THSD7B: variants seen among roughly 807,000 people sequenced by gnomAD.
THSD7B encodes thrombospondin type 1 domain containing 7B.
THSD7B carries 138 observed loss-of-function variants against 213.6 expected under a neutral mutation model. The ratio of observed to expected loss-of-function variants is 0.65; its 90% CI spans 0.56 to 0.74. The LOEUF is 0.74. Among genes scored for constraint, THSD7B ranks in the 30% least tolerant of loss-of-function variants. The probability of loss-of-function intolerance (pLI) is 0.00; values close to 1 mark genes in which losing one functional copy is unlikely to be tolerated. For synonymous variants in THSD7B, 742 were observed against 687.0 expected, an observed-to-expected ratio of 1.08 and a Z score of -1.25; for missense variants, 1,931 against 1,991.5, an observed-to-expected ratio of 0.97 and a Z score of 0.58.
intron 15 of THSD7B, among the ~76,000 whole-genome samples, chr2:137,539,609 A>G (rs1680569974): frequency 6.6e-6 from 1 of 151,780 alleles, no homozygotes; most frequent in East Asian, 1.9e-4. Context: ...GGATGAATTT[A>G]CTAAAATTAA....
chr2:137,583,239 C>T (rs1013904424), intron 17 of THSD7B, among the ~76,000 whole-genome samples: 8 of 151,996 alleles, frequency 5.3e-5, no homozygotes, highest in African/African-American at 1.9e-4. Flanking sequence ...TGAATATTAG[C>T]CCTTTGTGAG....
intron 12 of THSD7B, among the ~76,000 whole-genome samples, chr2:137,396,860 C>T (rs189266994): frequency 2.3e-3 from 353 of 151,722 alleles, no homozygotes; most frequent in African/African-American, 7.5e-3. Flanking sequence ...GTATTGGATG[C>T]ATATATATTT....
At chr2:137,323,300 T>C (rs1339797959) in intron 12 of THSD7B, among the ~76,000 whole-genome samples, 1 of 152,194 alleles carries the variant, frequency 6.6e-6, no homozygotes, top group African/African-American at 2.4e-5. Context: ...ATGCCATCCA[T>C]GAGCAAGGAG....
At chr2:137,024,543 A>C (rs946141535) in intron 2 of THSD7B, among the ~76,000 whole-genome samples, 1 of 152,186 alleles carries the variant, frequency 6.6e-6, no homozygotes, top group African/African-American at 2.4e-5. Flanking sequence ...GGAGAAACAG[A>C]GTGTGATATA....
At chr2:137,302,642 A>G (rs1014053577) in intron 12 of THSD7B, among the ~76,000 whole-genome samples, 6 of 152,108 alleles carry the variant, frequency 3.9e-5, no homozygotes, top group Non-Finnish European at 8.8e-5. Context: ...GGGGAAGTGC[A>G]GTTAAAGGAG....
At chr2:136,807,432 C>T (rs891043197) in intron 1 of THSD7B, among the ~76,000 whole-genome samples, 2 of 150,988 alleles carry the variant, frequency 1.3e-5, no homozygotes, top group African/African-American at 4.9e-5. Context: ...TTTGAGTTGG[C>T]TTCTGCATTC....
intron 2 of THSD7B, among the ~76,000 whole-genome samples, chr2:136,939,529 G>A (rs1037719739): frequency 1.3e-5 from 2 of 152,048 alleles, no homozygotes; most frequent in Admixed American, 1.3e-4. Flanking sequence ...CTGTCAGGTT[G>A]GATCTCTCCT....
At chr2:137,400,673 T>C (rs897552551) in intron 12 of THSD7B, among the ~76,000 whole-genome samples, 2 of 152,186 alleles carry the variant, frequency 1.3e-5, no homozygotes, top group African/African-American at 4.8e-5. Flanking sequence ...GGAATTGTTG[T>C]AAAGGGCTGT....
rs979894476 is a variant in THSD7B, at chr2:137,154,350, T to C, written c.1370-5863T>C. 4.6e-5 allele frequency among the ~76,000 whole-genome samples: 7 copies of C among 152,256 alleles called. No homozygotes were observed. In the East Asian group the frequency reaches 1.2e-3, roughly 25 times the overall value. The stretch of plus-strand genomic sequence containing the variant: ...CTTGCCAGCATTACCTCAAACACTT[T>C]CTGAATTTTGAAAAAGACTGACTTG... On this transcript the variant is annotated intron_variant, in intron 5 of 27. Transcript: ENST00000409968.
At chr2:137,362,597 A>G (rs1301873763) in intron 12 of THSD7B, among the ~76,000 whole-genome samples, 5 of 149,500 alleles carry the variant, frequency 3.3e-5, no homozygotes, top group Admixed American at 1.3e-4. Context: ...CGTCTCTGAC[A>G]AAAACAGTCT....
rs1016063649 is a variant in THSD7B, at chr2:137,180,990, G to A, written c.1723+10052G>A. ...CTTTTCTTTCCTTAGTGTGAGCTAAGAGCAAGAGAGATCACCTGTACAACG... is the reference window on the plus strand; with the variant it reads ...CTTTTCTTTCCTTAGTGTGAGCTAAAAGCAAGAGAGATCACCTGTACAACG... On this transcript the variant is annotated intron_variant, in intron 7 of 27. Coordinates refer to ENST00000409968, the MANE Select transcript of THSD7B (RefSeq NM_001316349.2). Among the ~76,000 whole-genome samples the A allele has an allele frequency of 4.6e-5, 7 of 152,158 alleles. No individual in the cohort carries two copies. The South Asian group carries it at 6.2e-4, about 14-fold the overall frequency.
chr2:137,058,818 TACAATGTGAA>T (rs571791784), intron 3 of THSD7B, among the ~76,000 whole-genome samples: 2,240 of 152,224 alleles, frequency 0.015, 30 homozygotes, highest in Non-Finnish European at 0.025. Flanking sequence ...CATTTGAGGA[TACAATGTGAA>T]GTCAGCAGTC....
chr2:136,911,258 G>A (rs1373245170), intron 2 of THSD7B, among the ~76,000 whole-genome samples: 2 of 152,066 alleles, frequency 1.3e-5, no homozygotes, highest in Non-Finnish European at 2.9e-5. Flanking sequence ...TTGGAGTGAT[G>A]ATTATGTTGA....
intron 4 of THSD7B, among the ~76,000 whole-genome samples, chr2:137,111,180 T>G (rs1186958084): frequency 6.6e-6 from 1 of 152,192 alleles, no homozygotes; most frequent in Non-Finnish European, 1.5e-5. Context: ...GAACTGTACT[T>G]GTATTTGAGA....
intron 13 of THSD7B, among the ~76,000 whole-genome samples, chr2:137,409,845 T>C (rs1686608895): frequency 1.3e-5 from 2 of 152,216 alleles, no homozygotes; most frequent in Non-Finnish European, 2.9e-5. Flanking sequence ...CTCTGAACTA[T>C]CATTGAGTGA....
chr2:136,789,547 T>G (rs1044008032), intron 1 of THSD7B, among the ~76,000 whole-genome samples: 1 of 152,106 alleles, frequency 6.6e-6, no homozygotes, highest in African/African-American at 2.4e-5. Flanking sequence ...TTCAGTCTAG[T>G]TCACTAAGGA....
At chr2:136,791,482 T>C (rs1414145114) in intron 1 of THSD7B, among the ~76,000 whole-genome samples, 1 of 151,886 alleles carries the variant, frequency 6.6e-6, no homozygotes, top group Non-Finnish European at 1.5e-5. Context: ...GCTATTTTCA[T>C]CATCCAAAAG....
chr2:137,515,690 A>G (rs1403542042), intron 15 of THSD7B, among the ~76,000 whole-genome samples: 3 of 152,188 alleles, frequency 2.0e-5, no homozygotes, highest in Non-Finnish European at 1.5e-5. Context: ...TTTATGTTGC[A>G]GCTCAGGGAG....
rs1424082264 is a variant in THSD7B, at chr2:136,882,328, C to T, written c.139+11C>T. 1.3e-6 allele frequency: 2 copies of T among 1,512,922 alleles called. No individual in the cohort carries two copies. Among genetic ancestry groups the T allele is most frequent in the African/African-American group, 2.8e-5 (2 of 70,612 alleles). 93.7% of individuals were successfully genotyped at this position (1,512,922 alleles called of 1,614,324 possible). On this transcript the variant is annotated intron_variant, in intron 2 of 27. Transcript: ENST00000409968. ...TCATCTGGAAACCAGGTAGGAATGT[C>T]CTGGCTGTTCCTTTGTCCTATTTTC...
Sources: gnomAD v4.1 joint callset for allele counts (sites outside exome capture counted in the v4.1 genomes callset) on GRCh38, gnomAD v4.1.1 for gene constraint, MANE v1.5 for transcripts, NCBI Gene and HGNC (gene_info 2026-07-23, HGNC 2026-07-21) for gene names.